TTC6: variants seen among roughly 807,000 people sequenced by gnomAD.
TTC6 encodes the protein tetratricopeptide repeat domain 6.
TTC6 carries 172 observed loss-of-function variants against 210.4 expected under a neutral mutation model. The ratio of observed to expected loss-of-function variants is 0.82; its 90% CI spans 0.72 to 0.93. The LOEUF (loss-of-function observed/expected upper bound fraction) is 0.93. Among genes scored for constraint, TTC6 ranks in the 40% least tolerant of loss-of-function variants. The pLI, the probability that TTC6 is intolerant of heterozygous loss-of-function variation, is 0.00. For missense variants in TTC6, 2,414 were observed against 2,318.1 expected (o/e 1.04, Z -0.85); for synonymous variants, 804 against 819.6 (o/e 0.98, Z 0.32).
chr14:37,644,972 A>C (rs2095698871), intron 1 of TTC6, among the ~76,000 whole-genome samples: 1 of 152,182 alleles, frequency 6.6e-6, no homozygotes, highest in Non-Finnish European at 1.5e-5. Flanking sequence ...TGTGAGAATA[A>C]AATGTTCTTA....
intron 1 of TTC6, among the ~76,000 whole-genome samples, chr14:37,647,026 T>C (rs1022787860): frequency 6.6e-6 from 1 of 152,216 alleles, no homozygotes; most frequent in African/African-American, 2.4e-5. Context: ...CCTTGGCTCC[T>C]TCTTGCCTAC....
At chr14:37,834,692 G>A (rs939303598) in intron 29 of TTC6, among the ~76,000 whole-genome samples, 2 of 151,918 alleles carry the variant, frequency 1.3e-5, no homozygotes, top group East Asian at 3.9e-4. Context: ...TTTCTTTGGG[G>A]TCTGCTACTG....
chr14:37,721,557 A>C lies in TTC6; in HGVS notation c.1714-3341A>C, dbSNP rs551211822. Among the ~76,000 whole-genome samples the C allele has an allele frequency of 1.2e-4, 18 of 151,936 alleles. No homozygotes were observed. The South Asian group carries it at 3.1e-3, about 26-fold the overall frequency. On this transcript the variant is annotated intron_variant, in intron 6 of 30. Coordinates refer to ENST00000553443, the Ensembl canonical transcript of TTC6. The stretch of plus-strand genomic sequence containing the variant: ...GTTTGCTTCATCCCTTTTCAAGAAA[A>C]ATCTTGCCATATACCCAACTCTCAA...
intron 3 of TTC6, among the ~76,000 whole-genome samples, chr14:37,686,305 G>T (rs1166574832): frequency 6.6e-6 from 1 of 152,158 alleles, no homozygotes; most frequent in East Asian, 1.9e-4. Context: ...CTGACATACA[G>T]AAAACTCAAT....
chr14:37,749,077 A>G (rs1404260320), exon 11 of TTC6: 3 of 1,535,786 alleles, frequency 2.0e-6, no homozygotes, highest in Admixed American at 2.0e-5. Context: ...GAGGAATTCC[A>G]GAAAATATTG....
intron 3 of TTC6, among the ~76,000 whole-genome samples, chr14:37,689,313 A>C (rs1449122765): frequency 6.6e-6 from 1 of 152,152 alleles, no homozygotes; most frequent in Non-Finnish European, 1.5e-5. Flanking sequence ...GCATACCTAC[A>C]AAATCTATAA....
chr14:37,722,778 CTAGG>C (rs2095864365), intron 6 of TTC6, among the ~76,000 whole-genome samples: 1 of 152,172 alleles, frequency 6.6e-6, no homozygotes, highest in Non-Finnish European at 1.5e-5. Context: ...GATCACCTGG[CTAGG>C]TAGTGTTTAC....
chr14:37,627,398 C>T (rs1475632478), intron 1 of TTC6, among the ~76,000 whole-genome samples: 1 of 151,976 alleles, frequency 6.6e-6, no homozygotes, highest in Non-Finnish European at 1.5e-5. Flanking sequence ...TGGTTTGCTG[C>T]GCCCATCAAC....
intron 1 of TTC6, among the ~76,000 whole-genome samples, chr14:37,644,259 A>G (rs2139395818): frequency 6.6e-6 from 1 of 152,300 alleles, no homozygotes; most frequent in South Asian, 2.1e-4. Flanking sequence ...TTGTAAAAAA[A>G]GGTCTTATAA....
chr14:37,707,413 T>C (rs1255628060), intron 5 of TTC6, among the ~76,000 whole-genome samples: 2 of 152,054 alleles, frequency 1.3e-5, no homozygotes, highest in Admixed American at 1.3e-4. Context: ...TTTCACTATC[T>C]TTCCTCTATA....
At chr14:37,832,089 T>C (rs576444314) in intron 29 of TTC6, among the ~76,000 whole-genome samples, 6 of 152,236 alleles carry the variant, frequency 3.9e-5, no homozygotes. Context: ...CAGTTAAGTC[T>C]AATCCATTTT....
chr14:37,687,790 A>G (rs1297030790), intron 3 of TTC6, among the ~76,000 whole-genome samples: 3 of 152,114 alleles, frequency 2.0e-5, no homozygotes, highest in Admixed American at 6.5e-5. Context: ...GGCTCTGAAT[A>G]ACTAGAAAGG....
At chr14:37,798,156 T>G (rs1268128988) in intron 20 of TTC6, among the ~76,000 whole-genome samples, 1 of 152,124 alleles carries the variant, frequency 6.6e-6, no homozygotes, top group East Asian at 1.9e-4. Flanking sequence ...GCCATATACA[T>G]GTTAAATTTA....
rs368498515 is a variant in TTC6, at chr14:37,774,497, C to T, written c.3267-12971C>T. Among the ~76,000 whole-genome samples the T allele has an allele frequency of 2.0e-5, 3 of 152,186 alleles. No homozygotes were observed. In the East Asian group the frequency reaches 5.8e-4, roughly 29 times the overall value. ...TTTCTGCGTCTATTGAGTTAATCAT[C>T]TGGTTTTTGTTTTTAGCTCTGTTTA... On this transcript the variant is annotated intron_variant, in intron 14 of 30. Transcript: ENST00000553443.
At chr14:37,693,631 C>A (rs1236855060) in intron 3 of TTC6, among the ~76,000 whole-genome samples, 1 of 151,756 alleles carries the variant, frequency 6.6e-6, no homozygotes, top group Non-Finnish European at 1.5e-5. Flanking sequence ...AAAAAACAAA[C>A]CCCAAACAAA....
At chr14:37,747,801 A>G (rs2095940517) in intron 10 of TTC6, among the ~76,000 whole-genome samples, 1 of 152,166 alleles carries the variant, frequency 6.6e-6, no homozygotes. Flanking sequence ...CTAAAGTGAC[A>G]TTTGGTCAGA....
chr14:37,605,895 G>T (rs1027816076), intron 1 of TTC6, among the ~76,000 whole-genome samples: 6 of 145,230 alleles, frequency 4.1e-5, no homozygotes, highest in African/African-American at 7.5e-5. Flanking sequence ...TTATTCACAG[G>T]TTTTTTTTTT....
chr14:37,787,261 C>T (rs1341237966), intron 14 of TTC6, among the ~76,000 whole-genome samples: 1 of 152,046 alleles, frequency 6.6e-6, no homozygotes, highest in East Asian at 1.9e-4. Context: ...ACCTGATAAG[C>T]ATATAATTAT....
intron 24 of TTC6, among the ~76,000 whole-genome samples, chr14:37,810,179 G>C (rs12888928): frequency 6.6e-6 from 1 of 152,172 alleles, no homozygotes; most frequent in Non-Finnish European, 1.5e-5. Context: ...TTTTAACAAG[G>C]GGATTGTTAA....
Sources: allele counts gnomAD v4.1 joint callset (sites outside exome capture counted in the v4.1 genomes callset), GRCh38; gene constraint gnomAD v4.1.1; transcripts MANE v1.5; gene names NCBI Gene and HGNC (gene_info 2026-07-23, HGNC 2026-07-21).